SPAG16: variants seen among roughly 807,000 people sequenced by gnomAD.
SPAG16 encodes the protein sperm associated antigen 16, also known as sperm-associated antigen 16 protein.
A neutral mutation model predicts 80.4 loss-of-function variants in SPAG16; 86 were observed. The observed-to-expected ratio is 1.07, with a 90% CI of 0.90 to 1.28. The LOEUF (loss-of-function observed/expected upper bound fraction) is 1.28, where lower values mean the gene tolerates loss of function less well. Ranked by LOEUF, SPAG16 falls within the 50% of genes most tolerant of loss-of-function variation. The pLI is 0.00. For synonymous variants in SPAG16, 294 were observed against 265.9 expected (o/e 1.11, Z -1.03); for missense variants, 870 against 765.3 (o/e 1.14, Z -1.61).
intron 15 of SPAG16, among the ~76,000 whole-genome samples, chr2:214,196,369 G>A (rs12617276): frequency 1.3e-5 from 2 of 151,888 alleles, no homozygotes; most frequent in East Asian, 1.9e-4. Flanking sequence ...GGAACTTCAT[G>A]ATGTTTAGAT....
chr2:214,059,387 T>C (rs1345603199), intron 13 of SPAG16, among the ~76,000 whole-genome samples: 1 of 151,316 alleles, frequency 6.6e-6, no homozygotes, highest in Non-Finnish European at 1.5e-5. Flanking sequence ...GTTACCCTTT[T>C]CTTCTTCTGA....
chr2:214,107,249 G>C (rs1361276160), intron 13 of SPAG16, among the ~76,000 whole-genome samples: 2 of 152,072 alleles, frequency 1.3e-5, no homozygotes, highest in Non-Finnish European at 2.9e-5. Context: ...AGAATATAAG[G>C]TCCGTGAGAA....
chr2:213,553,865 C>T (rs545991515), intron 10 of SPAG16, among the ~76,000 whole-genome samples: 14 of 152,312 alleles, frequency 9.2e-5, no homozygotes, highest in African/African-American at 3.1e-4. Context: ...ACTCTGCATA[C>T]ACCTGTGCAC....
chr2:213,885,355 A>T (rs1341753936), intron 11 of SPAG16, among the ~76,000 whole-genome samples: 1 of 152,150 alleles, frequency 6.6e-6, no homozygotes, highest in Non-Finnish European at 1.5e-5. Context: ...TGTAGCCATG[A>T]ACTATAGTGT....
intron 11 of SPAG16, among the ~76,000 whole-genome samples, chr2:213,867,707 G>A (rs1489813060): frequency 2.6e-5 from 4 of 151,840 alleles, no homozygotes; most frequent in South Asian, 2.1e-4. Context: ...CGGATCATGA[G>A]GTCAGGAGAT....
At chr2:213,996,209 A>G (rs2046507534) in intron 12 of SPAG16, among the ~76,000 whole-genome samples, 1 of 152,230 alleles carries the variant, frequency 6.6e-6, no homozygotes, top group African/African-American at 2.4e-5. Context: ...CCATTGAGGA[A>G]GAATCTCACA....
intron 8 of SPAG16, among the ~76,000 whole-genome samples, chr2:213,368,185 C>T (rs1156801246): frequency 6.6e-6 from 1 of 152,228 alleles, no homozygotes; most frequent in African/African-American, 2.4e-5. Flanking sequence ...GTTTTGGTTA[C>T]TGTAGCCTTG....
chr2:213,932,960 A>G (rs1324354104), intron 12 of SPAG16, among the ~76,000 whole-genome samples: 1 of 150,582 alleles, frequency 6.6e-6, no homozygotes, highest in Non-Finnish European at 1.5e-5. Context: ...ACACACACAC[A>G]CACACACACA....
chr2:213,389,757 A>G (rs1004013589), intron 9 of SPAG16, among the ~76,000 whole-genome samples: 4 of 152,182 alleles, frequency 2.6e-5, no homozygotes, highest in African/African-American at 9.6e-5. Flanking sequence ...GACATAAGTT[A>G]ATTGGAACCA....
intron 15 of SPAG16, among the ~76,000 whole-genome samples, chr2:214,347,809 C>T (rs772502350): frequency 2.0e-5 from 3 of 152,092 alleles, no homozygotes; most frequent in Admixed American, 6.6e-5. Flanking sequence ...TGAAAAGAGG[C>T]ATTTGAACTC....
At chr2:213,984,487 C>T (rs1433944266) in intron 12 of SPAG16, among the ~76,000 whole-genome samples, 2 of 152,194 alleles carry the variant, frequency 1.3e-5, no homozygotes, top group Admixed American at 1.3e-4. Flanking sequence ...CTTCCTCTAC[C>T]TTAGTAAAAC....
At chr2:214,112,987 T>A (rs1488219587) in intron 14 of SPAG16, among the ~76,000 whole-genome samples, 1 of 152,220 alleles carries the variant, frequency 6.6e-6, no homozygotes, top group Non-Finnish European at 1.5e-5. Context: ...GTTTAGTGCT[T>A]CTTTCTGGAG....
intron 10 of SPAG16, among the ~76,000 whole-genome samples, chr2:213,853,183 A>G (rs1417645295): frequency 6.6e-6 from 1 of 152,248 alleles, no homozygotes; most frequent in East Asian, 1.9e-4. Context: ...TGAATAACCT[A>G]AAGGGAAGAC....
At chr2:214,038,495 G>T (rs981207098) in intron 13 of SPAG16, among the ~76,000 whole-genome samples, 1 of 151,594 alleles carries the variant, frequency 6.6e-6, no homozygotes, top group Non-Finnish European at 1.5e-5. Flanking sequence ...TATACTAAAA[G>T]CTTACCATTT....
At chr2:213,498,449 T>C (rs1372778859) in intron 10 of SPAG16, among the ~76,000 whole-genome samples, 3 of 152,196 alleles carry the variant, frequency 2.0e-5, no homozygotes, top group Non-Finnish European at 2.9e-5. Flanking sequence ...GTTTATATCA[T>C]TAAATTTTTC....
chr2:213,795,345 AC>A (rs898423752), intron 10 of SPAG16, among the ~76,000 whole-genome samples: 4 of 152,218 alleles, frequency 2.6e-5, no homozygotes, highest in African/African-American at 9.6e-5. Context: ...AATGTAATTG[AC>A]AAATACACAA....
At chr2:214,008,154 T>C (rs916428676) in intron 12 of SPAG16, among the ~76,000 whole-genome samples, 2 of 152,166 alleles carry the variant, frequency 1.3e-5, no homozygotes, top group African/African-American at 2.4e-5. Context: ...CCCAATCTGA[T>C]ATTTTGCTCA....
At chr2:213,453,834 A>C (rs925029929) in intron 9 of SPAG16, among the ~76,000 whole-genome samples, 2 of 152,256 alleles carry the variant, frequency 1.3e-5, no homozygotes, top group Non-Finnish European at 1.5e-5. Context: ...CTTCATTGGA[A>C]TCACATAGGT....
intron 6 of SPAG16, among the ~76,000 whole-genome samples, chr2:213,348,608 A>G (rs1215132158): frequency 6.6e-6 from 1 of 152,080 alleles, no homozygotes; most frequent in East Asian, 1.9e-4. Flanking sequence ...GCTTGTCTGT[A>G]AAGGATTTTA....
Sources: allele counts gnomAD v4.1 joint callset (sites outside exome capture counted in the v4.1 genomes callset), GRCh38; gene constraint gnomAD v4.1.1; transcripts MANE v1.5; gene names NCBI Gene and HGNC (gene_info 2026-07-23, HGNC 2026-07-21).